The following EIF2AK4 variants were observed in gnomAD, a reference collection of about 807,000 sequenced individuals.
EIF2AK4 encodes eIF-2-alpha kinase GCN2.
EIF2AK4 carries 139 observed loss-of-function variants against 211.1 expected under a neutral mutation model. That is an observed-to-expected ratio of 0.66 (90% confidence interval 0.57 to 0.76). The LOEUF (loss-of-function observed/expected upper bound fraction) is 0.76, where lower values mean the gene tolerates loss of function less well. EIF2AK4 is among the 30% of genes least tolerant of loss of function. EIF2AK4 has a pLI of 0.00. For synonymous variants in EIF2AK4, 710 were observed against 751.3 expected, an observed-to-expected ratio of 0.94 and a Z score of 0.90; for missense variants, 1,664 against 2,043.8, an observed-to-expected ratio of 0.81 and a Z score of 3.58.
intron 13 of EIF2AK4, among the ~76,000 whole-genome samples, chr15:39,984,685 T>C (rs34682510): frequency 0.32 from 48,155 of 152,136 alleles, 10,143 homozygotes; most frequent in Non-Finnish European, 0.48. Flanking sequence ...ATGTTTGTGA[T>C]TTTTGCACAT....
At chr15:40,022,828 G>C (rs1279117750) in intron 32 of EIF2AK4, among the ~76,000 whole-genome samples, 4 of 152,074 alleles carry the variant, frequency 2.6e-5, no homozygotes, top group Admixed American at 2.0e-4. Flanking sequence ...CCGCCTCCCG[G>C]GTTCTCGCCA....
At chr15:39,967,986 A>G in intron 9 of EIF2AK4, 107 bp downstream of exon 9, 1 of 1,156,026 alleles carries the variant, frequency 8.7e-7, no homozygotes, top group Non-Finnish European at 1.2e-6. Flanking sequence ...AGTGAGGAAC[A>G]GGACTTCATT....
chr15:40,032,960 C>T (rs1226252939), intron 37 of EIF2AK4, among the ~76,000 whole-genome samples, 159 bp downstream of exon 37: 1 of 152,128 alleles, frequency 6.6e-6, no homozygotes, highest in Non-Finnish European at 1.5e-5. Flanking sequence ...ATATATGTTC[C>T]TAAATCCTAT....
chr15:40,003,462 G>A, intron 23 of EIF2AK4, 148 bp downstream of exon 23: 6 of 1,276,028 alleles, frequency 4.7e-6, no homozygotes, highest in Non-Finnish European at 6.3e-6. Context: ...GAGTGAGAGT[G>A]TTACTGGGGT....
At chr15:39,976,893 C>T (rs2140918883) in intron 12 of EIF2AK4, 49 bp downstream of exon 12, 2 of 1,412,144 alleles carry the variant, frequency 1.4e-6, no homozygotes, top group Middle Eastern at 1.9e-4. Flanking sequence ...CCCTAGTTTC[C>T]TTTCTTTATT....
At chr15:39,938,008 C>T (rs2034091626) in intron 1 of EIF2AK4, among the ~76,000 whole-genome samples, 1 of 152,228 alleles carries the variant, frequency 6.6e-6, no homozygotes, top group African/African-American at 2.4e-5. Flanking sequence ...AATGCTACAT[C>T]CTCAGATAGT....
chr15:40,001,359 C>A, intron 21 of EIF2AK4, 135 bp downstream of exon 21: 1 of 851,242 alleles, frequency 1.2e-6, no homozygotes, highest in Non-Finnish European at 1.8e-6. Flanking sequence ...AAAGTACATG[C>A]AAAATGTGTG....
At chr15:39,939,666 G>C in intron 2 of EIF2AK4, 49 bp downstream of exon 2, 1 of 1,456,010 alleles carries the variant, frequency 6.9e-7, no homozygotes, top group Non-Finnish European at 9.5e-7. Context: ...TTTCTGTTTT[G>C]ACAACATAGA....
chr15:39,995,089 G>A (rs1232955082), intron 18 of EIF2AK4, among the ~76,000 whole-genome samples: 1 of 152,050 alleles, frequency 6.6e-6, no homozygotes, highest in Non-Finnish European at 1.5e-5. Flanking sequence ...TGATCCACTT[G>A]CCTCAGCCTC....
intron 16 of EIF2AK4, chr15:39,991,469 T>A (rs1480710989): frequency 1.3e-5 from 2 of 152,272 alleles, no homozygotes; most frequent in Admixed American, 6.5e-5. Flanking sequence ...TATTGGACAA[T>A]TAATTAACTT....
At chr15:39,970,879 T>C (rs2034614476) in intron 9 of EIF2AK4, among the ~76,000 whole-genome samples, 1 of 152,336 alleles carries the variant, frequency 6.6e-6, no homozygotes, top group Non-Finnish European at 1.5e-5. Context: ...AATGGTTTTA[T>C]TAGAATTTTT....
intron 33 of EIF2AK4, among the ~76,000 whole-genome samples, chr15:40,027,729 A>C (rs2035482939): frequency 6.6e-6 from 1 of 152,152 alleles, no homozygotes; most frequent in Admixed American, 6.5e-5. Context: ...TCTCTACTAA[A>C]GATACAAAAA....
chr15:40,000,856 T>G, intron 20 of EIF2AK4, 132 bp from the exon 21 acceptor site: 1 of 862,406 alleles, frequency 1.2e-6, no homozygotes, highest in Non-Finnish European at 1.8e-6. Context: ...TATTCAGAAA[T>G]TTCAGAATGT....
intron 20 of EIF2AK4, among the ~76,000 whole-genome samples, chr15:40,000,185 A>G (rs114496476): frequency 0.012 from 1,820 of 152,310 alleles, 41 homozygotes; most frequent in African/African-American, 0.041. Context: ...TAAAAGTTGT[A>G]TCATGTCATT....
intron 8 of EIF2AK4, among the ~76,000 whole-genome samples, chr15:39,966,527 A>C (rs1014165904): frequency 6.6e-6 from 1 of 151,800 alleles, no homozygotes; most frequent in African/African-American, 2.4e-5. Context: ...AAAGAAAAAT[A>C]CTGCTTCAAA....
rs1566990453 is a variant in EIF2AK4 at position 39,972,936 on chromosome 15, T to A, written c.1582T>A (p.Trp528Arg). The part of the protein sequence containing the change: ...KCVCLDDKER[W>R]SPQQLLKHSF... ...TGTGTGCTTGGATGACAAGGAAAGA[T>A]GGAGTCCCCAGCAGTTGTTGAAACA... Residue 528 changes from tryptophan (W) to arginine (R), a missense_variant, in exon 10 of 39, where the codon TGG becomes AGG. Coordinates refer to ENST00000263791, the MANE Select transcript of EIF2AK4 (RefSeq NM_001013703.4). 5 of 1,613,976 alleles carry A rather than the reference T, an allele frequency of 3.1e-6. No homozygotes were observed. Among genetic ancestry groups the A allele is most frequent in the Non-Finnish European group, 4.2e-6 (5 of 1,180,016 alleles).
intron 20 of EIF2AK4, among the ~76,000 whole-genome samples, chr15:39,999,376 C>T (rs2035063097): frequency 6.6e-6 from 1 of 152,030 alleles, no homozygotes; most frequent in African/African-American, 2.4e-5. Context: ...TGCCTTTCTT[C>T]TGAGTGCCAG....
At chr15:39,983,738 G>A (rs896289571) in intron 13 of EIF2AK4, among the ~76,000 whole-genome samples, 7 of 152,192 alleles carry the variant, frequency 4.6e-5, no homozygotes, top group South Asian at 2.1e-4. Context: ...CACCGCGCCC[G>A]GCCTGGATAT....
intron 37 of EIF2AK4, among the ~76,000 whole-genome samples, chr15:40,033,483 C>T (rs1295803648): frequency 1.3e-5 from 2 of 152,180 alleles, no homozygotes; most frequent in Admixed American, 1.3e-4. Flanking sequence ...CTATTAAGAA[C>T]ACTCAACTAT....
Sources: allele counts gnomAD v4.1 joint callset (sites outside exome capture counted in the v4.1 genomes callset), GRCh38; gene constraint gnomAD v4.1.1; transcripts MANE v1.5; gene names NCBI Gene and HGNC (gene_info 2026-07-23, HGNC 2026-07-21).